Variants in ALDH3B1 observed in about 807,000 individuals in gnomAD.
ALDH3B1 encodes the protein aldehyde dehydrogenase family 3 member B1.
Under a neutral mutation model 46.2 loss-of-function variants are expected in ALDH3B1, and 37 were observed. The observed-to-expected ratio is 0.80, with a 90% CI of 0.62 to 1.05. The LOEUF is 1.05. Ranked by LOEUF, ALDH3B1 falls within the 50% of genes least tolerant of loss-of-function variation. ALDH3B1 has a pLI of 0.00. For missense variants in ALDH3B1, 603 were observed against 665.5 expected (o/e 0.91, Z 1.03); for synonymous variants, 283 against 281.0 (o/e 1.01, Z -0.07).
Position 68,011,291 on chromosome 11 carries a change from G to A in ALDH3B1, c.-2+899G>A, listed in dbSNP as rs114886046. 9.8e-3 allele frequency among the ~76,000 whole-genome samples: 1,495 copies of A among 152,258 alleles called. 31 individuals carry two copies. Among genetic ancestry groups the A allele is most frequent in the African/African-American group, 0.034 (1,409 of 41,540 alleles). ...AGGAAACACCAAACCGCCTAATACC[G>A]GATCGCTGCAGACTGCTTTTTTCTA... On this transcript the variant is annotated intron_variant, in intron 1 of 9. Coordinates refer to ENST00000342456, the MANE Select transcript of ALDH3B1 (RefSeq NM_000694.4).
upstream of ALDH3B1, among the ~76,000 whole-genome samples, chr11:68,009,076 C>T (rs192114778): frequency 6.6e-6 from 1 of 152,200 alleles, no homozygotes; most frequent in Non-Finnish European, 1.5e-5. Flanking sequence ...GGCAGGCACT[C>T]CTCCTGGGAG....
chr11:68,018,666 G>A lies in ALDH3B1; in HGVS notation c.273+29G>A, dbSNP rs1044126278. The A allele has an allele frequency of 3.2e-6, 5 of 1,553,474 alleles. No homozygotes were observed. In the South Asian group the frequency reaches 5.9e-5, roughly 18 times the overall value. ...AGCCGGCCGGGCTGAGGCGGGCAGG[G>A]GGCTCAGGGGATATTTGCTCCCACA... On this transcript the variant is annotated intron_variant, in intron 3 of 9. Coordinates refer to ENST00000342456, the MANE Select transcript of ALDH3B1 (RefSeq NM_000694.4).
rs1290482902 is a variant in ALDH3B1, at chr11:68,022,601, C to T, written c.956C>T (p.Thr319Met). Residue 319 changes from threonine to methionine, a missense_variant, in exon 8 of 10, where the codon ACG becomes ATG. Coordinates refer to ENST00000342456, the MANE Select transcript of ALDH3B1 (RefSeq NM_000694.4). ...CTGTCTCTGGTGCCTGCAGCCCCCA[C>T]GGTGCTGGTGGATGTGCAGGAGATG... ...SDESDRYIAP[T>M]VLVDVQEMEP... 6.8e-6 allele frequency: 11 copies of T among 1,613,636 alleles called. No individual in the cohort carries two copies. Among genetic ancestry groups the T allele is most frequent in the South Asian group, 6.6e-5 (6 of 91,060 alleles).
Position 68,015,476 on chromosome 11 carries a change from G to A in ALDH3B1, c.162+17G>A. The A allele has an allele frequency of 1.9e-6, 3 of 1,566,748 alleles. No individual in the cohort carries two copies. The highest frequency in any genetic ancestry group is 1.7e-4 in the Middle Eastern group (1 of 5,860). On this transcript the variant is annotated intron_variant, in intron 2 of 9. Coordinates refer to ENST00000342456, the MANE Select transcript of ALDH3B1 (RefSeq NM_000694.4). Reference sequence around the variant, plus strand: ...CTGCACAAGGTGGGCTGGGGTTGGGGGTATGAGAGGGTGCACTGGGGCAGG... The same window carrying A: ...CTGCACAAGGTGGGCTGGGGTTGGGAGTATGAGAGGGTGCACTGGGGCAGG...
intron 9 of ALDH3B1, 144 bp from the exon 10 acceptor site, chr11:68,027,604 CT>C: frequency 2.2e-6 from 2 of 897,958 alleles, no homozygotes; most frequent in Non-Finnish European, 3.3e-6. Context: ...GGGCCAAGCC[CT>C]TTACACACAG....
At position 68,028,219 on chromosome 11, in the gene ALDH3B1, G is replaced by A; in HGVS notation, c.*280G>A. ...CACCAACCACCCATATTCAGGAGAAGAGGACAGACACGGCACCTCTGAGTC... is the reference window on the plus strand; with the variant it reads ...CACCAACCACCCATATTCAGGAGAAAAGGACAGACACGGCACCTCTGAGTC... On this transcript the variant is annotated 3_prime_UTR_variant, in exon 10 of 10. Transcript: ENST00000342456. 1 of 618,090 alleles carries A rather than the reference G, an allele frequency of 1.6e-6. No homozygotes were observed. Among genetic ancestry groups the A allele is most frequent in the Non-Finnish European group, 3.0e-6 (1 of 331,312 alleles). The allele number at this position is 618,090 out of a possible 1,614,324, so 38.3% of individuals were successfully genotyped here.
chr11:68,026,116 C>CTA lies in ALDH3B1; in HGVS notation c.1216+8_1216+9insTA, dbSNP rs1361352068. On this transcript the variant is annotated intron_variant, in intron 9 of 9. Transcript: ENST00000342456. ...TGCCTTTTGGAGGAGTGGGTAGGTGCCTGCTACCCTGCCCTTCTGTTACCA... is the reference window on the plus strand; with the variant it reads ...TGCCTTTTGGAGGAGTGGGTAGGTGCTACTGCTACCCTGCCCTTCTGTTACCA... 1 of 1,586,326 alleles carries CTA rather than the reference C, an allele frequency of 6.3e-7. No homozygotes were observed. The highest frequency in any genetic ancestry group is 2.3e-5 in the East Asian group (1 of 43,654).
chr11:68,020,914 C>T (rs1486923374), intron 6 of ALDH3B1, among the ~76,000 whole-genome samples: 1 of 152,136 alleles, frequency 6.6e-6, no homozygotes, highest in African/African-American at 2.4e-5. Context: ...GACTGCTGGG[C>T]CCCTGGAGGC....
At chr11:68,021,193 G>T (rs886566971) in intron 6 of ALDH3B1, among the ~76,000 whole-genome samples, 1 of 152,160 alleles carries the variant, frequency 6.6e-6, no homozygotes, top group African/African-American at 2.4e-5. Context: ...GTCAGCCAGG[G>T]TCACAAGCAG....
upstream of ALDH3B1, among the ~76,000 whole-genome samples, chr11:68,009,268 C>T (rs987907535): frequency 2.6e-5 from 4 of 152,152 alleles, no homozygotes; most frequent in African/African-American, 4.8e-5. Context: ...TGGAGGAACA[C>T]GGAAGCACAG....
chr11:68,020,995 C>T lies in ALDH3B1; in HGVS notation c.563-490C>T, dbSNP rs144098168. 3.2e-3 allele frequency among the ~76,000 whole-genome samples: 485 copies of T among 152,234 alleles called. 4 individuals carry two copies. Among genetic ancestry groups the T allele is most frequent in the African/African-American group, 9.8e-3 (409 of 41,532 alleles). ...GCCTGCATCAGCCTGGGACAGTCCA[C>T]CTCAAGGGTCAGAAAAAAAGGGCTG... On this transcript the variant is annotated intron_variant, in intron 6 of 9. Coordinates refer to ENST00000342456, the MANE Select transcript of ALDH3B1 (RefSeq NM_000694.4).
chr11:68,026,267 G>A (rs1022324077), intron 9 of ALDH3B1, among the ~76,000 whole-genome samples, 159 bp downstream of exon 9: 2 of 152,076 alleles, frequency 1.3e-5, no homozygotes, highest in Admixed American at 6.5e-5. Context: ...CCACCCCAGA[G>A]GGTCTGAGTC....
intron 1 of ALDH3B1, among the ~76,000 whole-genome samples, chr11:68,013,865 A>C (rs779186274): frequency 3.3e-5 from 5 of 152,182 alleles, no homozygotes; most frequent in Non-Finnish European, 7.3e-5. Flanking sequence ...GCCACTGCCC[A>C]GCTTCTCCCA....
rs372453336 is a variant in ALDH3B1 at position 68,019,809 on chromosome 11, C to A, written c.562+13C>A. 6.2e-7 allele frequency: 1 copy of A among 1,613,392 alleles called. No individual in the cohort carries two copies. Among genetic ancestry groups the A allele is most frequent in the Admixed American group, 1.7e-5 (1 of 59,984 alleles). On this transcript the variant is annotated intron_variant, in intron 6 of 9. Transcript: ENST00000342456. ...ATCTTCTTCACAGGTGAGGCCGGGA[C>A]GAGGGTCGGGACAGGCTGGGGTCGG...
Position 68,015,831 on chromosome 11 carries a change from C to T in ALDH3B1, c.162+372C>T, listed in dbSNP as rs1298925042. 5 of 366,102 alleles carry T rather than the reference C, an allele frequency of 1.4e-5. No homozygotes were observed. In the East Asian group the frequency reaches 2.2e-4, roughly 16 times the overall value. 22.7% of individuals were successfully genotyped at this position (366,102 alleles called of 1,614,324 possible). On this transcript the variant is annotated intron_variant, in intron 2 of 9. Coordinates refer to ENST00000342456, the MANE Select transcript of ALDH3B1 (RefSeq NM_000694.4). ...CTGTAGTCCCAGCACTTTGGGAGGC[C>T]GAGGTGGGCGGATCGCTTGAGGCCA...
In ALDH3B1 at chr11:68,027,637, G is replaced by A. The variant is rs998621451; in HGVS notation, c.1217-112G>A. 45 of 1,161,750 alleles carry A rather than the reference G, an allele frequency of 3.9e-5. No individual in the cohort carries two copies. In the African/African-American group the frequency reaches 6.9e-4, roughly 18 times the overall value. 72.0% of individuals were successfully genotyped at this position (1,161,750 alleles called of 1,614,324 possible). A position where few individuals can be genotyped will look rare whatever the true frequency, so the allele number is the denominator to read the frequency against. On this transcript the variant is annotated intron_variant, in intron 9 of 9. Transcript: ENST00000342456. ...ACAGTGCCTCATGATCAGCCCACTG[G>A]ACAGATGGGGAAACTGAGGCTCAGA...
intron 6 of ALDH3B1, among the ~76,000 whole-genome samples, chr11:68,021,229 C>T (rs1857484178): frequency 6.6e-6 from 1 of 152,098 alleles, no homozygotes; most frequent in South Asian, 2.1e-4. Context: ...AGGGGTTTGG[C>T]TCAGCAGGGG....
At chr11:68,014,099 T>C (rs172620) in intron 1 of ALDH3B1, among the ~76,000 whole-genome samples, 3,405 of 152,346 alleles carry the variant, frequency 0.022, 136 homozygotes, top group African/African-American at 0.077. Flanking sequence ...GGTCTCATCA[T>C]TAGCTGGCAG....
Position 68,018,560 on chromosome 11 carries a change from A to C in ALDH3B1, c.196A>C (p.Ile66Leu). ...AFESEVSEVA[I>L]SQGEVTLALR... is the part of the protein sequence containing the mutation. ...CGAGTCGGAGGTGTCTGAGGTTGCC[A>C]TCAGCCAGGGCGAGGTCACCCTGGC... Residue 66 changes from isoleucine to leucine, a missense_variant, in exon 3 of 10, where the codon ATC (isoleucine) becomes CTC (leucine). Coordinates refer to ENST00000342456, the MANE Select transcript of ALDH3B1 (RefSeq NM_000694.4). 1 of 1,578,304 alleles carries C rather than the reference A, an allele frequency of 6.3e-7. No individual in the cohort carries two copies. The highest frequency in any genetic ancestry group is 8.6e-7 in the Non-Finnish European group (1 of 1,162,528).
Sources: allele counts gnomAD v4.1 joint callset (sites outside exome capture counted in the v4.1 genomes callset), GRCh38; gene constraint gnomAD v4.1.1; transcripts MANE v1.5; gene names NCBI Gene and HGNC (gene_info 2026-07-23, HGNC 2026-07-21).